Variants in NSUN6 observed in about 807,000 individuals in gnomAD.
The protein encoded by NSUN6 is tRNA (cytosine(72)-C(5))-methyltransferase NSUN6.
A neutral mutation model predicts 58.0 loss-of-function variants in NSUN6; 64 were observed. The ratio of observed to expected loss-of-function variants is 1.10; its 90% CI spans 0.90 to 1.36. The LOEUF (loss-of-function observed/expected upper bound fraction) is 1.36. Ranked by LOEUF, NSUN6 falls within the 40% of genes most tolerant of loss-of-function variation. NSUN6 has a pLI of 0.00. For synonymous variants in NSUN6, 231 were observed against 193.9 expected, an observed-to-expected ratio of 1.19 and a Z score of -1.59; for missense variants, 701 against 550.1, an observed-to-expected ratio of 1.27 and a Z score of -2.74.
chr10:18,575,484 T>A (rs545660947), intron 8 of NSUN6, among the ~76,000 whole-genome samples: 147 of 152,310 alleles, frequency 9.7e-4, no homozygotes, highest in Admixed American at 4.4e-3. Flanking sequence ...TATCCAGGTT[T>A]GTACTAATAG....
chr10:18,637,858 A>G (rs1186418871), intron 3 of NSUN6, among the ~76,000 whole-genome samples: 1 of 152,240 alleles, frequency 6.6e-6, no homozygotes, highest in Non-Finnish European at 1.5e-5. Flanking sequence ...ACACAAAACA[A>G]ATTGCAGAAT....
At chr10:18,579,731 G>A (rs2056822398) in intron 8 of NSUN6, among the ~76,000 whole-genome samples, 1 of 152,100 alleles carries the variant, frequency 6.6e-6, no homozygotes, top group Non-Finnish European at 1.5e-5. Flanking sequence ...GTGGAAGTGG[G>A]GCTTCCAGGT....
At chr10:18,586,211 A>G in intron 7 of NSUN6, 118 bp from the exon 8 acceptor site, 1 of 752,414 alleles carries the variant, frequency 1.3e-6, no homozygotes, top group South Asian at 2.1e-5. Context: ...CCATACTCCC[A>G]TCCCTAATTT....
chr10:18,563,706 T>C (rs1331179425), intron 8 of NSUN6, among the ~76,000 whole-genome samples: 2 of 151,326 alleles, frequency 1.3e-5, no homozygotes, highest in Admixed American at 1.3e-4. Context: ...TTTCATTCCA[T>C]TCTTCATTCC....
intron 8 of NSUN6, among the ~76,000 whole-genome samples, chr10:18,568,059 T>C (rs925804418): frequency 1.3e-5 from 2 of 150,778 alleles, no homozygotes; most frequent in African/African-American, 4.8e-5. Context: ...CCATTCTCCA[T>C]TTTCCGTTCC....
intron 8 of NSUN6, among the ~76,000 whole-genome samples, chr10:18,554,442 G>T (rs1564705995): frequency 4.6e-5 from 7 of 151,064 alleles, no homozygotes; most frequent in Admixed American, 2.6e-4. Flanking sequence ...CAACGGAATG[G>T]AATGAACAAT....
intron 5 of NSUN6, 34 bp downstream of exon 5, chr10:18,614,426 G>T: frequency 3.1e-6 from 4 of 1,288,014 alleles, no homozygotes; most frequent in Non-Finnish European, 4.1e-6. Context: ...CCACAAAAAG[G>T]ATGCTGATTT....
chr10:18,596,954 T>C lies in NSUN6; in HGVS notation c.658-627A>G, dbSNP rs78708363. Among the ~76,000 whole-genome samples the C allele has an allele frequency of 8.8e-3, 1,333 of 152,254 alleles. 16 individuals carry two copies. The highest frequency in any genetic ancestry group is 0.033 in the South Asian group (160 of 4,824). On this transcript the variant is annotated intron_variant, in intron 6 of 10. Coordinates refer to ENST00000377304, the MANE Select transcript of NSUN6 (RefSeq NM_182543.5). Reference sequence around the variant, plus strand: ...GGCCGCCTCATCATCTAACTCTCATTTAAGATGCCTTGTTTTATGCTGCTA... The same window carrying C: ...GGCCGCCTCATCATCTAACTCTCATCTAAGATGCCTTGTTTTATGCTGCTA...
At chr10:18,656,764 T>A (rs1421508802), upstream of NSUN6, among the ~76,000 whole-genome samples, 1 of 151,638 alleles carries the variant, frequency 6.6e-6, no homozygotes, top group Non-Finnish European at 1.5e-5. Context: ...GGATTCCAAT[T>A]TAATTAAAGG....
At chr10:18,600,456 C>G (rs1157801498) in intron 6 of NSUN6, among the ~76,000 whole-genome samples, 1 of 152,104 alleles carries the variant, frequency 6.6e-6, no homozygotes, top group East Asian at 1.9e-4. Context: ...GAGACCTCAT[C>G]TCTATAAAAA....
chr10:18,614,689 C>T (rs1335613918), intron 4 of NSUN6, 76 bp from the exon 5 acceptor site: 6 of 698,358 alleles, frequency 8.6e-6, no homozygotes, highest in Non-Finnish European at 1.3e-5. Context: ...TGAGCTAGAT[C>T]GGTGATCTCT....
chr10:18,652,572 T>G, upstream of NSUN6: 2 of 800,820 alleles, frequency 2.5e-6, no homozygotes, highest in South Asian at 1.1e-4. Flanking sequence ...CTCTGCTCTT[T>G]TTTTTTTTTT....
chr10:18,640,341 C>T (rs560423749), intron 3 of NSUN6, among the ~76,000 whole-genome samples: 3 of 152,228 alleles, frequency 2.0e-5, no homozygotes, highest in Admixed American at 2.0e-4. Flanking sequence ...TACTTTTATA[C>T]TTATGTACAA....
intron 3 of NSUN6, among the ~76,000 whole-genome samples, chr10:18,626,337 C>T (rs56227791): frequency 3.3e-5 from 5 of 151,646 alleles, no homozygotes; most frequent in African/African-American, 4.8e-5. Context: ...CTCAGGAGCT[C>T]GAGACCAGCC....
Position 18,546,161 on chromosome 10 carries a change from G to A in NSUN6, c.1198-16C>T. 6.6e-7 allele frequency: 1 copy of A among 1,503,772 alleles called. No homozygotes were observed. The highest frequency in any genetic ancestry group is 9.3e-7 in the Non-Finnish European group (1 of 1,079,212). 93.2% of individuals were successfully genotyped at this position (1,503,772 alleles called of 1,614,324 possible). The stretch of plus-strand genomic sequence containing the variant: ...TCTGCGGTTCCTGTTTGGAGAAAGT[G>A]GATCAATATGGATGAACATCCTGTA... On this transcript the variant is annotated splice_polypyrimidine_tract_variant and intron_variant, in intron 10 of 10. Coordinates refer to ENST00000377304, the MANE Select transcript of NSUN6 (RefSeq NM_182543.5).
At chr10:18,637,947 A>G (rs1363933445) in intron 3 of NSUN6, among the ~76,000 whole-genome samples, 1 of 152,242 alleles carries the variant, frequency 6.6e-6, no homozygotes, top group African/African-American at 2.4e-5. Context: ...GTAAGCACAG[A>G]GACAGTTCAG....
At chr10:18,598,696 G>C (rs1416450187) in intron 6 of NSUN6, among the ~76,000 whole-genome samples, 1 of 152,164 alleles carries the variant, frequency 6.6e-6, no homozygotes, top group East Asian at 1.9e-4. Context: ...ATGGTCCTGG[G>C]CTCAGGTGAG....
intron 9 of NSUN6, among the ~76,000 whole-genome samples, chr10:18,550,070 C>G (rs759989343): frequency 3.9e-5 from 6 of 152,240 alleles, no homozygotes; most frequent in African/African-American, 4.8e-5. Flanking sequence ...TGCCAAATGG[C>G]AAACCTGCTA....
At chr10:18,566,921 C>T (rs1175298300) in intron 8 of NSUN6, among the ~76,000 whole-genome samples, 3 of 150,980 alleles carry the variant, frequency 2.0e-5, no homozygotes, top group Middle Eastern at 6.9e-3. Flanking sequence ...TTCTCCATTC[C>T]ACTCCATTCT....
Sources: allele counts gnomAD v4.1 joint callset (sites outside exome capture counted in the v4.1 genomes callset), GRCh38; gene constraint gnomAD v4.1.1; transcripts MANE v1.5; gene names NCBI Gene and HGNC (gene_info 2026-07-23, HGNC 2026-07-21).